Variants in ZNF44 observed in about 807,000 individuals in gnomAD.
ZNF44 encodes gonadotropin inducible transcription repressor-2.
ZNF44 carries 9 observed loss-of-function variants against 11.7 expected under a neutral mutation model. The observed-to-expected ratio is 0.77, with a 90% confidence interval of 0.46 to 1.35. The LOEUF (loss-of-function observed/expected upper bound fraction) is 1.35. ZNF44 is among the 40% of genes most tolerant of loss of function. ZNF44 has a pLI of 0.00. For synonymous variants in ZNF44, 224 were observed against 242.7 expected, an observed-to-expected ratio of 0.92 and a Z score of 0.72; for missense variants, 696 against 743.1, an observed-to-expected ratio of 0.94 and a Z score of 0.74.
downstream of ZNF44, among the ~76,000 whole-genome samples, chr19:12,269,956 A>G (rs1008746964): frequency 5.3e-5 from 8 of 152,220 alleles, no homozygotes; most frequent in Non-Finnish European, 1.2e-4. Context: ...TATTATTTTA[A>G]GTCAATAGTA....
At chr19:12,266,418 G>A (rs910667319) in intron 5 of ZNF44, 2 of 899,250 alleles carry the variant, frequency 2.2e-6, no homozygotes, top group South Asian at 5.1e-5. Context: ...AAGGCGAGAG[G>A]GAAAAAAAAC....
chr19:12,260,951 A>G (rs1234737491), intron 5 of ZNF44, among the ~76,000 whole-genome samples: 1 of 152,230 alleles, frequency 6.6e-6, no homozygotes, highest in East Asian at 1.9e-4. Flanking sequence ...ACCAACTGCT[A>G]GTCACCTAGA....
chr19:12,248,896 C>CT (rs372194020), intron 7 of ZNF44, among the ~76,000 whole-genome samples: 12,694 of 138,512 alleles, frequency 0.092, 1,226 homozygotes, highest in African/African-American at 0.25. Flanking sequence ...ATGGGTTTCT[C>CT]TTTTTTTTTT....
upstream of ZNF44, among the ~76,000 whole-genome samples, chr19:12,241,807 A>C (rs759400557): frequency 6.6e-6 from 1 of 152,206 alleles, no homozygotes. Context: ...CAACATATGG[A>C]TGGATAAACA....
chr19:12,254,919 T>C (rs1917178313), intron 5 of ZNF44, among the ~76,000 whole-genome samples: 1 of 151,764 alleles, frequency 6.6e-6, no homozygotes, highest in Non-Finnish European at 1.5e-5. Flanking sequence ...AAACCCCATC[T>C]TTACTAAAAA....
chr19:12,247,536 C>G, downstream of ZNF44: 1 of 1,350,116 alleles, frequency 7.4e-7, no homozygotes, highest in Non-Finnish European at 9.9e-7. Context: ...AGGTTTCTCT[C>G]CAGTGTGGGT....
intron 1 of ZNF44, among the ~76,000 whole-genome samples, chr19:12,292,594 C>G (rs867976821): frequency 2.0e-5 from 3 of 152,140 alleles, no homozygotes; most frequent in Non-Finnish European, 2.9e-5. Flanking sequence ...GCCAGCCCCA[C>G]GGTGCTCATT....
chr19:12,264,145 C>A (rs1163293241), intron 5 of ZNF44, among the ~76,000 whole-genome samples: 2 of 151,300 alleles, frequency 1.3e-5, no homozygotes, highest in African/African-American at 2.4e-5. Context: ...AAGGAAACTA[C>A]AATTACAACC....
At position 12,294,732 on chromosome 19, in the gene ZNF44, C is replaced by T. The variant is rs778870680; in HGVS notation, c.-38G>A. 4.6e-5 allele frequency: 71 copies of T among 1,552,668 alleles called. 1 individual carries two copies. Among genetic ancestry groups the T allele is most frequent in the Middle Eastern group, 3.3e-4 (2 of 5,978 alleles). On this transcript the variant is annotated 5_prime_UTR_variant, in exon 1 of 4. Coordinates refer to ENST00000355684, the MANE Select transcript of ZNF44 (RefSeq NM_016264.4). ...CGGTGTCCCGGGTCCTCCCAACTCC[C>T]GTAGTCAGGGTAGGTCCCAGCGCGA...
At chr19:12,229,991 A>AGAAAGCCTGAATATAGAGAACC (rs2145673663) in intron 3 of ZNF44, among the ~76,000 whole-genome samples, 1 of 152,326 alleles carries the variant, frequency 6.6e-6, no homozygotes, top group South Asian at 2.1e-4. Flanking sequence ...AAGTAGAAGC[A>AGAAAGCCTGAATATAGAGAACC]GAAAGCCTGA....
chr19:12,276,282 A>G (rs1967216446), intron 1 of ZNF44, 200 bp from the exon 2 acceptor site: 1 of 725,540 alleles, frequency 1.4e-6, no homozygotes, highest in Non-Finnish European at 2.2e-6. Context: ...CTAAAATAAC[A>G]GTTGAGTAGG....
rs930432118 is a variant in ZNF44, at chr19:12,231,095, C to T, written n.381-580G>A. Among the ~76,000 whole-genome samples, 8 of 152,198 alleles carry T rather than the reference C, an allele frequency of 5.3e-5. No individual in the cohort carries two copies. In the South Asian group the frequency reaches 6.2e-4, roughly 12 times the overall value. Reference sequence around the variant, plus strand: ...ACTTTTAAAATGAGGTGCTTGTCCACGATGGTGATGCTTCTACTCGGTCAC... The same window carrying T: ...ACTTTTAAAATGAGGTGCTTGTCCATGATGGTGATGCTTCTACTCGGTCAC... On this transcript the variant is annotated intron_variant and non_coding_transcript_variant, in intron 2 of 3. Coordinates refer to the ZNF44 transcript ENST00000597563.
At chr19:12,227,650 C>T (rs62111272) in intron 3 of ZNF44, among the ~76,000 whole-genome samples, 1,630 of 152,288 alleles carry the variant, frequency 0.011, 15 homozygotes, top group Middle Eastern at 0.02. Context: ...ACGCAATTGA[C>T]AAGGATATCT....
chr19:12,276,527 T>TA lies in ZNF44; in HGVS notation c.4-446dup, dbSNP rs1276313961. Among the ~76,000 whole-genome samples, 14 of 152,274 alleles carry TA rather than the reference T, an allele frequency of 9.2e-5. 1 individual carries two copies. The South Asian group carries it at 2.1e-3, about 23-fold the overall frequency. On this transcript the variant is annotated intron_variant, in intron 1 of 3. Coordinates refer to ENST00000355684, the MANE Select transcript of ZNF44 (RefSeq NM_016264.4). ...TATTTAGGGGAGGGCCCCGTAAGCA[T>TA]AACTAATAAAGGGGGTGGAGTGTGC...
intron 5 of ZNF44, among the ~76,000 whole-genome samples, chr19:12,264,390 T>C (rs897559678): frequency 6.6e-6 from 1 of 152,186 alleles, no homozygotes. Flanking sequence ...CCTTACCTTC[T>C]AGTCACTGCC....
At chr19:12,253,369 T>C (rs532639655) in intron 5 of ZNF44, among the ~76,000 whole-genome samples, 8 of 151,696 alleles carry the variant, frequency 5.3e-5, no homozygotes, top group African/African-American at 1.2e-4. Context: ...TTTGTATTTT[T>C]AGTAGAGAGA....
At chr19:12,287,854 G>A (rs1013801126) in intron 1 of ZNF44, among the ~76,000 whole-genome samples, 4 of 152,130 alleles carry the variant, frequency 2.6e-5, no homozygotes, top group African/African-American at 2.4e-5. Flanking sequence ...AGCATTATAT[G>A]GATGGTATGT....
At chr19:12,239,389 C>T (rs933317018), upstream of ZNF44, among the ~76,000 whole-genome samples, 3 of 148,188 alleles carry the variant, frequency 2.0e-5, no homozygotes, top group Non-Finnish European at 4.4e-5. Flanking sequence ...GCTGGGATTA[C>T]GGGAGTGAGC....
intron 1 of ZNF44, among the ~76,000 whole-genome samples, chr19:12,293,627 T>C (rs1212496816): frequency 6.6e-6 from 1 of 152,144 alleles, no homozygotes; most frequent in African/African-American, 2.4e-5. Flanking sequence ...ATCGTCTTGC[T>C]GACAAAGGGT....
Sources: allele counts gnomAD v4.1 joint callset (sites outside exome capture counted in the v4.1 genomes callset), GRCh38; gene constraint gnomAD v4.1.1; transcripts MANE v1.5; gene names NCBI Gene and HGNC (gene_info 2026-07-23, HGNC 2026-07-21).